The following DNM1L variants were observed in gnomAD, a reference collection of about 807,000 sequenced individuals.
DNM1L encodes the protein dynamin-1-like protein.
Under a neutral mutation model 92.8 loss-of-function variants are expected in DNM1L, and 33 were observed. That is an observed-to-expected ratio of 0.36 (90% CI 0.27 to 0.48). The LOEUF is 0.48. DNM1L is among the 20% of genes least tolerant of loss of function. DNM1L has a pLI of 0.99. For synonymous variants in DNM1L, 284 were observed against 305.0 expected (o/e 0.93, Z 0.72); for missense variants, 485 against 888.8 (o/e 0.55, Z 5.78).
intron 16 of DNM1L, among the ~76,000 whole-genome samples, chr12:32,739,278 A>T (rs1387973151): frequency 2.8e-5 from 3 of 108,700 alleles, no homozygotes; most frequent in East Asian, 2.3e-4. Flanking sequence ...AAGAATACCT[A>T]AAAAAAACCC....
At chr12:32,690,885 A>C (rs550410922) in intron 1 of DNM1L, among the ~76,000 whole-genome samples, 1 of 152,348 alleles carries the variant, frequency 6.6e-6, no homozygotes, top group Non-Finnish European at 1.5e-5. Context: ...GATGGCATTA[A>C]AAAAATCACT....
At chr12:32,699,728 A>G (rs1952617650) in intron 1 of DNM1L, among the ~76,000 whole-genome samples, 1 of 134,776 alleles carries the variant, frequency 7.4e-6, no homozygotes, top group Non-Finnish European at 1.5e-5. Context: ...TGGGAGGTAG[A>G]GGTTGCAGAG....
intron 2 of DNM1L, among the ~76,000 whole-genome samples, chr12:32,706,416 A>T (rs1256463672): frequency 1.3e-5 from 2 of 152,214 alleles, no homozygotes; most frequent in Non-Finnish European, 2.9e-5. Context: ...AATTTGACAA[A>T]AGCAAAACAG....
intron 6 of DNM1L, among the ~76,000 whole-genome samples, chr12:32,714,361 C>T: frequency 6.7e-6 from 1 of 150,296 alleles, no homozygotes; most frequent in African/African-American, 2.5e-5. Flanking sequence ...CAAGCTCTGC[C>T]TCCCGGGTTC....
At chr12:32,695,505 C>T (rs762853777) in intron 1 of DNM1L, among the ~76,000 whole-genome samples, 10 of 152,214 alleles carry the variant, frequency 6.6e-5, no homozygotes, top group Non-Finnish European at 1.3e-4. Context: ...CATGGTGGCT[C>T]ACACCTGTAA....
At chr12:32,729,701 C>G (rs1437351316) in intron 9 of DNM1L, among the ~76,000 whole-genome samples, 1 of 152,152 alleles carries the variant, frequency 6.6e-6, no homozygotes, top group Non-Finnish European at 1.5e-5. Flanking sequence ...CTCAGGTGAT[C>G]TGCCCACCTC....
rs750339400 is a variant in DNM1L, at chr12:32,705,945, A to AT, written c.251-1413dup. The AT allele has an allele frequency of 1.6e-3, 2,013 of 1,253,102 alleles. 1 individual carries two copies. Among genetic ancestry groups the AT allele is most frequent in the South Asian group, 2.2e-3 (134 of 62,028 alleles). The allele number at this position is 1,253,102 out of a possible 1,614,324, so 77.6% of individuals were successfully genotyped here. ...TTATGTACTATTACAGGCTGTGTGT[A>AT]TTTTTTTTTCTTCCATTTTTATTTG... is the stretch of plus-strand genomic sequence containing the variant. On this transcript the variant is annotated intron_variant, in intron 2 of 19. Transcript: ENST00000549701.
At chr12:32,742,496 T>C (rs1955377814) in intron 18 of DNM1L, 93 bp from the exon 19 acceptor site, 1 of 1,465,712 alleles carries the variant, frequency 6.8e-7, no homozygotes, top group African/African-American at 1.4e-5. Context: ...GTAGTGTTCT[T>C]ACTTAACTTT....
chr12:32,722,653 G>A lies in DNM1L; in HGVS notation c.1079+20G>A. The A allele has an allele frequency of 6.3e-7, 1 of 1,592,228 alleles. No homozygotes were observed. The highest frequency in any genetic ancestry group is 1.1e-5 in the South Asian group (1 of 90,526). ...GGAGCTGTAAGTAAGAAATTTTTCT[G>A]TAGATTTGGTTACCTAGATTGCTAG... On this transcript the variant is annotated intron_variant, in intron 9 of 19. Transcript: ENST00000549701.
intron 9 of DNM1L, chr12:32,727,391 T>TG: frequency 2.6e-6 from 2 of 769,884 alleles, no homozygotes. Flanking sequence ...GAACTCCAAA[T>TG]ATCAGTGGCT....
intron 6 of DNM1L, among the ~76,000 whole-genome samples, chr12:32,715,051 C>G (rs1953300993): frequency 6.6e-6 from 1 of 151,626 alleles, no homozygotes; most frequent in Non-Finnish European, 1.5e-5. Flanking sequence ...CTATTTTAAA[C>G]TGACCCTTGA....
At chr12:32,710,874 G>GTTTATT in intron 4 of DNM1L, 55 bp from the exon 5 acceptor site, 1 of 1,354,704 alleles carries the variant, frequency 7.4e-7, no homozygotes, top group Non-Finnish European at 1.0e-6. Flanking sequence ...TTGAAATGAA[G>GTTTATT]TTTATTACTT....
At chr12:32,742,473 A>G in intron 18 of DNM1L, 116 bp from the exon 19 acceptor site, 1 of 1,284,084 alleles carries the variant, frequency 7.8e-7, no homozygotes, top group Non-Finnish European at 1.1e-6. Flanking sequence ...CCATTAATGA[A>G]ATATCCAAAG....
At position 32,731,813 on chromosome 12, in the gene DNM1L, AC is replaced by A. The variant is rs1565534948; in HGVS notation, c.1357-40del. 1 of 1,560,990 alleles carries A rather than the reference AC, an allele frequency of 6.4e-7. No individual in the cohort carries two copies. The highest frequency in any genetic ancestry group is 1.1e-5 in the South Asian group (1 of 89,762). On this transcript the variant is annotated intron_variant, in intron 11 of 19. Coordinates refer to ENST00000549701, the MANE Select transcript of DNM1L (RefSeq NM_012062.5). The surrounding 1 kb of genome is among the most constrained non-coding windows in gnomAD (Gnocchi z 5.1). ...AGTGAGACTATGACTTAAAAAAAAA[AC>A]AAAAAACAAACACGTTTTTCTTTCA...
At chr12:32,684,551 C>T (rs573703167) in intron 1 of DNM1L, among the ~76,000 whole-genome samples, 2 of 151,702 alleles carry the variant, frequency 1.3e-5, no homozygotes, top group Admixed American at 6.6e-5. Context: ...AATCTCAGCT[C>T]ACTGCAACCC....
intron 1 of DNM1L, among the ~76,000 whole-genome samples, chr12:32,688,472 A>G (rs893320427): frequency 1.3e-5 from 2 of 152,224 alleles, no homozygotes; most frequent in African/African-American, 4.8e-5. Context: ...AAGAATGGCT[A>G]CTCCATAGGC....
chr12:32,738,205 A>T (rs1955034903), intron 15 of DNM1L, 59 bp from the exon 16 acceptor site: 2 of 1,590,756 alleles, frequency 1.3e-6, no homozygotes, highest in South Asian at 1.1e-5. Flanking sequence ...TTGAATTTCA[A>T]CCCATTGGTA....
intron 6 of DNM1L, among the ~76,000 whole-genome samples, 153 bp from the exon 7 acceptor site, chr12:32,718,490 A>G (rs186755324): frequency 1.3e-5 from 2 of 152,320 alleles, no homozygotes; most frequent in Non-Finnish European, 2.9e-5. Context: ...TTTTTAAAAA[A>G]GCACTGGTAA....
At chr12:32,691,591 T>C (rs987554675) in intron 1 of DNM1L, among the ~76,000 whole-genome samples, 3 of 152,180 alleles carry the variant, frequency 2.0e-5, no homozygotes, top group Admixed American at 6.5e-5. Flanking sequence ...TCTGCAAATA[T>C]AGTCACATTC....
Sources: allele counts gnomAD v4.1 joint callset (sites outside exome capture counted in the v4.1 genomes callset), GRCh38; gene constraint gnomAD v4.1.1; non-coding constraint Gnocchi (gnomAD v3.1); transcripts MANE v1.5; gene names NCBI Gene and HGNC (gene_info 2026-07-23, HGNC 2026-07-21).